SLC20A2: variants seen among roughly 807,000 people sequenced by gnomAD.
The protein encoded by SLC20A2 is solute carrier family 20 member 2.
SLC20A2 carries 30 observed loss-of-function variants against 61.0 expected under a neutral mutation model. The ratio of observed to expected loss-of-function variants is 0.49; its 90% confidence interval spans 0.37 to 0.67. SLC20A2 has a LOEUF of 0.67. Among genes scored for constraint, SLC20A2 ranks in the 30% least tolerant of loss-of-function variants. The pLI is 0.00. For synonymous variants in SLC20A2, 351 were observed against 353.3 expected, an observed-to-expected ratio of 0.99 and a Z score of 0.07; for missense variants, 626 against 866.4, an observed-to-expected ratio of 0.72 and a Z score of 3.48.
chr8:42,499,294 A>C (rs1810164695), intron 1 of SLC20A2, among the ~76,000 whole-genome samples: 1 of 152,166 alleles, frequency 6.6e-6, no homozygotes, highest in Non-Finnish European at 1.5e-5. Context: ...CACAGCCAGC[A>C]TCATTTCACC....
At chr8:42,465,538 A>G (rs1175757078) in intron 3 of SLC20A2, among the ~76,000 whole-genome samples, 3 of 151,800 alleles carry the variant, frequency 2.0e-5, no homozygotes, top group Non-Finnish European at 4.4e-5. Context: ...CTAAAAATAC[A>G]AAAATTAGCA....
intron 3 of SLC20A2, among the ~76,000 whole-genome samples, chr8:42,464,924 G>A (rs1166849163): frequency 2.6e-5 from 4 of 152,062 alleles, no homozygotes; most frequent in East Asian, 3.9e-4. Flanking sequence ...GCAGTGAGCC[G>A]AGATTGCGCC....
At chr8:42,438,063 C>CAAAAAAAAAAAAAAAAAAAAAAAAAAAA (rs1391262305) in intron 7 of SLC20A2, among the ~76,000 whole-genome samples, 2 of 26,812 alleles carry the variant, frequency 7.5e-5, no homozygotes, top group Non-Finnish European at 1.6e-4. Flanking sequence ...AAAAAAAAAC[C>CAAAAAAAAAAAAAAAAAAAAAAAAAAAA]AAAAAAAAAA....
chr8:42,531,064 CAT>C (rs1325722296), intron 1 of SLC20A2, among the ~76,000 whole-genome samples: 2 of 152,276 alleles, frequency 1.3e-5, no homozygotes, highest in South Asian at 2.1e-4. Context: ...CTGCTACACA[CAT>C]ATATTTTAGC....
chr8:42,479,527 T>C (rs531311683), intron 1 of SLC20A2, among the ~76,000 whole-genome samples: 1 of 152,076 alleles, frequency 6.6e-6, no homozygotes, highest in African/African-American at 2.4e-5. Context: ...GTTATCTTCT[T>C]ATTGAAATGG....
rs573146428 is a variant in SLC20A2, at chr8:42,482,917, G to A, written c.-264-10263C>T. Among the ~76,000 whole-genome samples the A allele has an allele frequency of 2.6e-5, 4 of 152,098 alleles. No individual in the cohort carries two copies. In the South Asian group the frequency reaches 6.2e-4, roughly 24 times the overall value. ...AAAAATTAGCCAGGTGTAGGGGCAG[G>A]TCCCTGTAATCCCAGCTACTCAGGG... On this transcript the variant is annotated intron_variant, in intron 1 of 10. Transcript: ENST00000520262.
intron 4 of SLC20A2, among the ~76,000 whole-genome samples, chr8:42,461,672 G>C (rs1029189637): frequency 6.6e-6 from 1 of 151,946 alleles, no homozygotes; most frequent in Non-Finnish European, 1.5e-5. Context: ...GGCTGGTCTT[G>C]AACTCCTGAC....
rs905329506 is a variant in SLC20A2, at chr8:42,417,684, A to G, written c.*119T>C. ...GGAGCCTCCTGGAAGGGAGGCAGAG[A>G]GCTGGTCATGAGAGAGCCGTGCACG... On this transcript the variant is annotated 3_prime_UTR_variant, in exon 11 of 11. Coordinates refer to ENST00000520262, the MANE Select transcript of SLC20A2 (RefSeq NM_001257180.2). 2.3e-5 allele frequency: 25 copies of G among 1,095,624 alleles called. No homozygotes were observed. The highest frequency in any genetic ancestry group is 2.3e-4 in the Middle Eastern group (1 of 4,320). 67.9% of individuals were successfully genotyped at this position (1,095,624 alleles called of 1,614,324 possible). A position where few individuals can be genotyped will look rare whatever the true frequency, so the allele number is the denominator to read the frequency against.
At chr8:42,486,525 T>C (rs1033614764) in intron 1 of SLC20A2, among the ~76,000 whole-genome samples, 29 of 152,236 alleles carry the variant, frequency 1.9e-4, no homozygotes, top group Non-Finnish European at 3.8e-4. Flanking sequence ...CTGCTAGCAA[T>C]GGATGGAATC....
chr8:42,528,107 T>G (rs1023855201), intron 1 of SLC20A2, among the ~76,000 whole-genome samples: 3 of 152,178 alleles, frequency 2.0e-5, no homozygotes, highest in African/African-American at 7.2e-5. Context: ...CAAAGATATG[T>G]TATTTTGGAA....
intron 1 of SLC20A2, among the ~76,000 whole-genome samples, chr8:42,485,908 T>C (rs917872796): frequency 1.1e-4 from 16 of 148,256 alleles, no homozygotes; most frequent in Non-Finnish European, 2.1e-4. Flanking sequence ...ATTGCGCTGC[T>C]GCACTCCACC....
chr8:42,444,071 TATTATGACAAAAAG>T (rs1308710627), intron 6 of SLC20A2, among the ~76,000 whole-genome samples: 3 of 152,228 alleles, frequency 2.0e-5, no homozygotes, highest in African/African-American at 7.2e-5. Context: ...CACTTTGGGC[TATTATGACAAAAAG>T]ATTTGTATAC....
chr8:42,479,049 A>G (rs559597832), intron 1 of SLC20A2, among the ~76,000 whole-genome samples: 1 of 152,234 alleles, frequency 6.6e-6, no homozygotes, highest in African/African-American at 2.4e-5. Context: ...GGCTCGGGAC[A>G]TGACTCTTCT....
In SLC20A2 at chr8:42,459,942, A is replaced by G. The variant is rs1806569482; in HGVS notation, c.567T>C (p.Ala189=). The change falls in exon 5 of 11, where the codon GCT becomes GCC. Residue 189 remains alanine (A), a synonymous_variant. Transcript: ENST00000520262. ...GLRALPVFYA[A]TIAINVFSIM... Reference sequence around the variant, plus strand: ...TGGAAAAGACATTGATTGCTATGGTAGCAGCATAGAATACTGGGAGTGCCC... The same window carrying G: ...TGGAAAAGACATTGATTGCTATGGTGGCAGCATAGAATACTGGGAGTGCCC... The G allele has an allele frequency of 6.2e-7, 1 of 1,613,602 alleles. No homozygotes were observed.
At chr8:42,438,433 A>G (rs989553352) in intron 7 of SLC20A2, among the ~76,000 whole-genome samples, 7 of 151,942 alleles carry the variant, frequency 4.6e-5, no homozygotes, top group Non-Finnish European at 8.8e-5. Flanking sequence ...GAGCCTCCCA[A>G]GCATCTGGGA....
intron 6 of SLC20A2, among the ~76,000 whole-genome samples, chr8:42,441,037 G>A (rs974197267): frequency 6.6e-6 from 1 of 152,082 alleles, no homozygotes; most frequent in African/African-American, 2.4e-5. Context: ...TTGACCTCGT[G>A]AACTGCTCGC....
chr8:42,485,035 G>A, intron 1 of SLC20A2: 1 of 221,148 alleles, frequency 4.5e-6, no homozygotes, highest in South Asian at 6.2e-5. Context: ...CGAAACTGCG[G>A]GAGGGAGGTG....
In SLC20A2 at chr8:42,428,820, A is replaced by G. The variant is rs1194149533; in HGVS notation, c.1732T>C (p.Ser578Pro). 1 of 1,605,178 alleles carries G rather than the reference A, an allele frequency of 6.2e-7. No individual in the cohort carries two copies. The highest frequency in any genetic ancestry group is 8.5e-7 in the Non-Finnish European group (1 of 1,175,998). The change falls in exon 10 of 11, where the codon TCA becomes CCA. Residue 578 changes from serine (S) to proline (P), a missense_variant. Physicochemically the swap from Ser to Pro is moderately conservative, Grantham distance 74. Transcript: ENST00000520262. ...GAGGCGATCACCACTGTGAAGGCTG[A>G]GGCCAGCTCGATCGTGAAGCCGCTG... ...PSSGFTIELASAFTVVIASNI... is the reference protein window; with the variant it reads ...PSSGFTIELAPAFTVVIASNI...
chr8:42,507,895 C>T (rs1810802274), intron 1 of SLC20A2, among the ~76,000 whole-genome samples: 3 of 152,242 alleles, frequency 2.0e-5, no homozygotes, highest in Admixed American at 2.0e-4. Context: ...CGCGGTGGCT[C>T]ATGCCTGTAA....
Sources: allele counts gnomAD v4.1 joint callset (sites outside exome capture counted in the v4.1 genomes callset), GRCh38; gene constraint gnomAD v4.1.1; transcripts MANE v1.5; gene names NCBI Gene and HGNC (gene_info 2026-07-23, HGNC 2026-07-21).